The following POM121 variants were observed in gnomAD, a reference collection of about 807,000 sequenced individuals.
The protein encoded by POM121 is nuclear envelope pore membrane protein POM 121.
A neutral mutation model predicts 81.3 loss-of-function variants in POM121; 32 were observed. The observed-to-expected ratio is 0.39, with a 90% CI of 0.30 to 0.53. The LOEUF (loss-of-function observed/expected upper bound fraction) is 0.53. Among genes scored for constraint, POM121 ranks in the 20% least tolerant of loss-of-function variants. POM121 has a pLI of 0.66. For synonymous variants in POM121, 514 were observed against 694.2 expected (o/e 0.74, Z 4.08); for missense variants, 1,138 against 1,614.6 (o/e 0.70, Z 5.06).
At chr7:72,908,746 T>C (rs1793524011) in intron 3 of POM121, among the ~76,000 whole-genome samples, 1 of 152,214 alleles carries the variant, frequency 6.6e-6, no homozygotes, top group Admixed American at 6.5e-5. Flanking sequence ...TTCAGCGTTA[T>C]TTCTCCTATT....
At chr7:72,897,697 A>C (rs1281553641) in intron 3 of POM121, among the ~76,000 whole-genome samples, 1 of 152,160 alleles carries the variant, frequency 6.6e-6, no homozygotes, top group Non-Finnish European at 1.5e-5. Context: ...GCAGCTGCAG[A>C]TAGAAGTGGT....
At chr7:72,921,132 C>T (rs112957519), upstream of POM121, among the ~76,000 whole-genome samples, 30 of 152,198 alleles carry the variant, frequency 2.0e-4, no homozygotes, top group African/African-American at 6.5e-4. Context: ...TGCAGTGAGC[C>T]GAGATCGCGC....
In POM121 at chr7:72,930,029, C is replaced by T; in HGVS notation, c.1193C>T (p.Thr398Ile). The T allele has an allele frequency of 6.2e-7, 1 of 1,614,012 alleles. No individual in the cohort carries two copies. Among genetic ancestry groups the T allele is most frequent in the Non-Finnish European group, 8.5e-7 (1 of 1,179,866 alleles). Residue 398 changes from threonine (T) to isoleucine (I), a missense_variant, in exon 5 of 13, where the codon ACA becomes ATA. Around this residue, in one of 7 missense-constraint regions of POM121, gnomAD observed 646 missense variants for 633.5 expected, o/e 1.02. Transcript: ENST00000434423. The part of the protein sequence containing the change: ...RSRSSSMSSL[T>I]GAYASGIPSS... ...CGAAGCTCTTCCATGAGCTCCTTGA[C>T]AGGCGCTTACGCAAGTGGCATCCCT...
At chr7:72,891,478 C>G (rs1791292834) in intron 3 of POM121, among the ~76,000 whole-genome samples, 1 of 152,186 alleles carries the variant, frequency 6.6e-6, no homozygotes. Context: ...ATGATCTCAG[C>G]TCACTGCAAC....
chr7:72,928,278 A>G, intron 3 of POM121, 107 bp from the exon 4 acceptor site: 2 of 1,446,928 alleles, frequency 1.4e-6, no homozygotes, highest in East Asian at 2.3e-5. Flanking sequence ...CTATCATGGA[A>G]TCTGTGCTCC....
At chr7:72,937,661 G>GGAA (rs1796643078) in intron 5 of POM121, among the ~76,000 whole-genome samples, 3 of 152,194 alleles carry the variant, frequency 2.0e-5, no homozygotes, top group African/African-American at 7.2e-5. Context: ...ATCACTAGCA[G>GGAA]CTTTTCAAGT....
chr7:72,879,894 T>A (rs1789956583), intron 1 of POM121: 1 of 512,630 alleles, frequency 2.0e-6, no homozygotes, highest in Non-Finnish European at 3.9e-6. Context: ...GGGTAAGTCT[T>A]GGGTTTTCGG....
intron 3 of POM121, among the ~76,000 whole-genome samples, chr7:72,898,617 C>T (rs1174995811): frequency 4.0e-5 from 6 of 151,788 alleles, no homozygotes; most frequent in East Asian, 1.9e-4. Context: ...GCCAACATGG[C>T]GAAATCCTGT....
intron 4 of POM121, among the ~76,000 whole-genome samples, chr7:72,917,603 A>G (rs1409334869): frequency 6.6e-6 from 1 of 152,180 alleles, no homozygotes; most frequent in Non-Finnish European, 1.5e-5. Flanking sequence ...AATGCCACAG[A>G]CCATGTGGTT....
At chr7:72,948,387 A>G (rs1563179246), downstream of POM121, 1 of 1,613,376 alleles carries the variant, frequency 6.2e-7, no homozygotes, top group Non-Finnish European at 8.5e-7. Context: ...TAACCTTTCA[A>G]AACGCAAACT....
chr7:72,948,345 C>T, downstream of POM121: 1 of 1,610,366 alleles, frequency 6.2e-7, no homozygotes, highest in South Asian at 1.1e-5. Flanking sequence ...TTTTGCTCAC[C>T]AGCAAGAACA....
intron 3 of POM121, among the ~76,000 whole-genome samples, chr7:72,894,445 G>A (rs1188914175): frequency 2.6e-5 from 4 of 151,990 alleles, no homozygotes; most frequent in African/African-American, 9.7e-5. Flanking sequence ...GGGCGTGGTG[G>A]CAGGCGCCTG....
chr7:72,948,407 G>A (rs1478683482), downstream of POM121: 11 of 1,613,308 alleles, frequency 6.8e-6, no homozygotes, highest in East Asian at 6.7e-5. Flanking sequence ...TGCTGCCTGC[G>A]GTGAGGGCCC....
At chr7:72,881,929 C>G (rs1228991566) in intron 1 of POM121, among the ~76,000 whole-genome samples, 1 of 152,154 alleles carries the variant, frequency 6.6e-6, no homozygotes, top group East Asian at 1.9e-4. Context: ...CCGAGCCCAG[C>G]CAGGATTCAT....
At chr7:72,892,856 G>A (rs1303989830) in intron 3 of POM121, among the ~76,000 whole-genome samples, 2 of 152,022 alleles carry the variant, frequency 1.3e-5, no homozygotes, top group African/African-American at 4.8e-5. Flanking sequence ...TAGTAGAGAC[G>A]GGGTTTCACC....
Position 72,925,544 on chromosome 7 carries a change from G to A in POM121, c.423G>A (p.Leu141=). 1 of 1,532,716 alleles carries A rather than the reference G, an allele frequency of 6.5e-7. No individual in the cohort carries two copies. Among genetic ancestry groups the A allele is most frequent in the Non-Finnish European group, 8.7e-7 (1 of 1,146,186 alleles). 94.9% of individuals were successfully genotyped at this position (1,532,716 alleles called of 1,614,324 possible). Residue 141 remains leucine (L), a synonymous_variant, in exon 1 of 13, where the codon CTG becomes CTA. Coordinates refer to ENST00000434423, the MANE Select transcript of POM121 (RefSeq NM_001387691.1). The stretch of plus-strand genomic sequence containing the variant: ...AACTGCTACTCATGGGCAGTTACCT[G>A]GGCAAGCCCGGGCCGCCGCAGCCCG... The part of the protein sequence containing the change: ...PAELLLMGSY[L]GKPGPPQPAA...
intron 3 of POM121, among the ~76,000 whole-genome samples, chr7:72,897,700 G>A (rs1792103516): frequency 6.6e-6 from 1 of 152,174 alleles, no homozygotes; most frequent in Admixed American, 6.6e-5. Flanking sequence ...GCTGCAGATA[G>A]AAGTGGTCAC....
chr7:72,934,124 G>T (rs542245614), intron 5 of POM121, among the ~76,000 whole-genome samples: 1 of 150,736 alleles, frequency 6.6e-6, no homozygotes, highest in African/African-American at 2.4e-5. Context: ...TCGCACTGTC[G>T]CCCGGGCTGG....
upstream of POM121, among the ~76,000 whole-genome samples, chr7:72,920,409 C>T (rs1264901274): frequency 2.1e-4 from 30 of 140,408 alleles, no homozygotes; most frequent in Non-Finnish European, 3.8e-4. Flanking sequence ...AGTGGAGTGG[C>T]GCAATCTCGG....
Sources: gnomAD v4.1 joint callset for allele counts (sites outside exome capture counted in the v4.1 genomes callset) on GRCh38, gnomAD v4.1.1 for gene constraint, gnomAD v4.1.1 regional missense constraint, MANE v1.5 for transcripts, NCBI Gene and HGNC (gene_info 2026-07-23, HGNC 2026-07-21) for gene names.